MCF2L: variants seen among roughly 807,000 people sequenced by gnomAD.
MCF2L encodes the protein guanine nucleotide exchange factor DBS.
A neutral mutation model predicts 153.4 loss-of-function variants in MCF2L; 97 were observed. That is an observed-to-expected ratio of 0.63 (90% CI 0.54 to 0.75). The LOEUF is 0.75. Ranked by LOEUF, MCF2L falls within the 30% of genes least tolerant of loss-of-function variation. MCF2L has a pLI of 0.00. For synonymous variants in MCF2L, 659 were observed against 632.2 expected, an observed-to-expected ratio of 1.04 and a Z score of -0.64; for missense variants, 1,347 against 1,495.2, an observed-to-expected ratio of 0.90 and a Z score of 1.64.
chr13:113,033,361 G>A (rs1438797889), intron 3 of MCF2L, among the ~76,000 whole-genome samples: 19 of 106,566 alleles, frequency 1.8e-4, no homozygotes, highest in Non-Finnish European at 2.3e-4. Flanking sequence ...ACCCCGTGGC[G>A]TGAGTGGCCC....
chr13:112,904,580 G>A lies in MCF2L; in HGVS notation c.169+2209G>A, dbSNP rs1397892940. Among the ~76,000 whole-genome samples the A allele has an allele frequency of 6.6e-6, 1 of 152,232 alleles. No homozygotes were observed. Among genetic ancestry groups the A allele is most frequent in the Admixed American group, 6.5e-5 (1 of 15,286 alleles). On this transcript the variant is annotated intron_variant, in intron 2 of 29. Coordinates refer to the MCF2L transcript ENST00000375608. This position sits in a 1 kb window ranked among gnomAD's most constrained non-coding sequence, Gnocchi z 4.2. ...AAACCTCTCTGATCCCTGAGTCCTG[G>A]AGGCCCAGGGCTGGCTTTACCAAGA...
Position 113,053,157 on chromosome 13 carries a change from C to T in MCF2L, c.370-7436C>T, listed in dbSNP as rs967341830. On this transcript the variant is annotated intron_variant, in intron 4 of 29. Coordinates refer to ENST00000535094, the MANE Select transcript of MCF2L (RefSeq NM_001112732.3). The surrounding 1 kb of genome is among the most constrained non-coding windows in gnomAD (Gnocchi z 4.4). ...TGCATAACCACAGGCGAGTCTGCAT[C>T]GCGGCCACACTGCCCTCTGGATGCC... 6.6e-6 allele frequency among the ~76,000 whole-genome samples: 1 copy of T among 152,214 alleles called. No individual in the cohort carries two copies. Among genetic ancestry groups the T allele is most frequent in the African/African-American group, 2.4e-5 (1 of 41,450 alleles).
intron 29 of MCF2L, 23 bp from the exon 30 acceptor site, chr13:113,096,751 G>A (rs971160523): frequency 1.3e-6 from 2 of 1,560,914 alleles, no homozygotes; most frequent in African/African-American, 1.4e-5. Context: ...GCCGAAGCCC[G>A]TCCCCGCCTG....
At chr13:113,025,920 C>T (rs931231847) in intron 3 of MCF2L, among the ~76,000 whole-genome samples, 3 of 106,278 alleles carry the variant, frequency 2.8e-5, no homozygotes, top group Non-Finnish European at 6.3e-5. Context: ...GTCCCCGTGA[C>T]TGTGGGTCGG....
In MCF2L at chr13:113,001,733, C is replaced by T. The variant is rs371036844; in HGVS notation, c.80-13030C>T. On this transcript the variant is annotated intron_variant, in intron 1 of 29. Transcript: ENST00000535094. ...TTAATCAGGGACATCGAATCGGAGG[C>T]CCTGGGAGGAGCAGCCGGCTGGCTG... 315 of 1,370,336 alleles carry T rather than the reference C, an allele frequency of 2.3e-4. 1 individual carries two copies. The East Asian group carries it at 8.3e-3, about 36-fold the overall frequency. 84.9% of individuals were successfully genotyped at this position (1,370,336 alleles called of 1,614,324 possible). A position where few individuals can be genotyped will look rare whatever the true frequency, so the allele number is the denominator to read the frequency against.
intron 2 of MCF2L, 109 bp from the exon 3 acceptor site, chr13:113,024,535 C>A: frequency 1.5e-6 from 1 of 666,798 alleles, no homozygotes; most frequent in South Asian, 1.9e-5. Flanking sequence ...GAAGAACATG[C>A]CTCAGTTTTA....
intron 27 of MCF2L, 48 bp downstream of exon 27, chr13:113,094,683 G>A: frequency 6.3e-7 from 1 of 1,575,180 alleles, no homozygotes; most frequent in South Asian, 1.2e-5. Flanking sequence ...CTGCCCTCCG[G>A]GGATTAGGGG....
At chr13:112,959,973 T>TGG (rs940980784) in intron 2 of MCF2L, among the ~76,000 whole-genome samples, 5 of 152,178 alleles carry the variant, frequency 3.3e-5, no homozygotes, top group African/African-American at 1.2e-4. Context: ...CCTGCAGGTG[T>TGG]GGGGAGAGCC....
At chr13:113,096,349 G>A (rs377163981) in intron 27 of MCF2L, 22 bp from the exon 28 acceptor site, 109 of 1,526,958 alleles carry the variant, frequency 7.1e-5, no homozygotes, top group Non-Finnish European at 5.6e-5. Flanking sequence ...CGCTGTCTGT[G>A]CCCCTGCCCG....
chr13:113,077,743 C>T (rs540019535), intron 13 of MCF2L, among the ~76,000 whole-genome samples: 1 of 152,306 alleles, frequency 6.6e-6, no homozygotes, highest in East Asian at 1.9e-4. Flanking sequence ...AGGCACGGCG[C>T]CATTTCCCAG....
chr13:113,057,120 GTGCT>G (rs2030109449), intron 4 of MCF2L, among the ~76,000 whole-genome samples: 1 of 145,150 alleles, frequency 6.9e-6, no homozygotes, highest in Non-Finnish European at 1.5e-5. Flanking sequence ...TGGGTGCTGA[GTGCT>G]TGGGTGCTGT....
rs1245486640 is a variant in MCF2L, at chr13:113,031,064, GA to G, written c.278+6307del. 7.1e-6 allele frequency among the ~76,000 whole-genome samples: 1 copy of G among 141,062 alleles called. No homozygotes were observed. The highest frequency in any genetic ancestry group is 1.5e-5 in the Non-Finnish European group (1 of 65,266). 92.5% of individuals were successfully genotyped at this position (141,062 alleles called of 152,430 possible). ...ACAGAGACAGACAGATACAGACAGA[GA>G]GACAGAGACAGACAGATACAGACAG... On this transcript the variant is annotated intron_variant, in intron 3 of 29. Coordinates refer to ENST00000535094, the MANE Select transcript of MCF2L (RefSeq NM_001112732.3). This position sits in a 1 kb window ranked among gnomAD's most constrained non-coding sequence, Gnocchi z 5.5.
intron 2 of MCF2L, among the ~76,000 whole-genome samples, chr13:112,963,420 C>T (rs1235247588): frequency 6.6e-6 from 1 of 152,198 alleles, no homozygotes; most frequent in Non-Finnish European, 1.5e-5. Context: ...TCTCTTTGCT[C>T]AGGACTCCAC....
At chr13:112,903,630 G>A (rs918034422) in intron 2 of MCF2L, among the ~76,000 whole-genome samples, 18 of 152,136 alleles carry the variant, frequency 1.2e-4, no homozygotes, top group Admixed American at 1.2e-3. Flanking sequence ...GCTGCGTTTC[G>A]GTATAGTCAC....
At chr13:112,998,414 TG>T (rs2083226341) in intron 1 of MCF2L, among the ~76,000 whole-genome samples, 2 of 152,102 alleles carry the variant, frequency 1.3e-5, no homozygotes, top group African/African-American at 2.4e-5. Flanking sequence ...GGAAATGGGC[TG>T]GGGACATTTC....
rs2085422520 is a variant in MCF2L, at chr13:113,028,050, A to C, written c.278+3292A>C. On this transcript the variant is annotated intron_variant, in intron 3 of 29. Transcript: ENST00000535094. This position sits in a 1 kb window ranked among gnomAD's most constrained non-coding sequence, Gnocchi z 5.4. ...GGCTAAATGAGATTCTGTGGTGTCC[A>C]CACTGAATGCTGACTGGTCAGACTC... 1.3e-5 allele frequency among the ~76,000 whole-genome samples: 2 copies of C among 152,198 alleles called. No homozygotes were observed. Among genetic ancestry groups the C allele is most frequent in the Non-Finnish European group, 2.9e-5 (2 of 68,012 alleles).
At chr13:113,029,593 G>T (rs1440954470) in intron 3 of MCF2L, among the ~76,000 whole-genome samples, 1 of 152,180 alleles carries the variant, frequency 6.6e-6, no homozygotes, top group Non-Finnish European at 1.5e-5. Flanking sequence ...TGCCCACTGC[G>T]CCCTGAGGGT....
intron 4 of MCF2L, among the ~76,000 whole-genome samples, chr13:113,048,641 CCCA>C (rs113369915): frequency 3.4e-4 from 52 of 152,114 alleles, no homozygotes; most frequent in African/African-American, 1.3e-3. Flanking sequence ...CGGGGTTTCA[CCCA>C]CGTTAGCCAG....
chr13:112,945,497 G>C (rs981402218), intron 2 of MCF2L, among the ~76,000 whole-genome samples: 1 of 152,234 alleles, frequency 6.6e-6, no homozygotes, highest in Non-Finnish European at 1.5e-5. Context: ...ATAAAGAAAT[G>C]ATTTTGATTC....
Sources: allele counts gnomAD v4.1 joint callset (sites outside exome capture counted in the v4.1 genomes callset), GRCh38; gene constraint gnomAD v4.1.1; non-coding constraint Gnocchi (gnomAD v3.1); transcripts MANE v1.5; gene names NCBI Gene and HGNC (gene_info 2026-07-23, HGNC 2026-07-21).